DAPK1: variants seen among roughly 807,000 people sequenced by gnomAD.
DAPK1 encodes death associated protein kinase 1.
DAPK1 carries 56 observed loss-of-function variants against 144.9 expected under a neutral mutation model. That is an observed-to-expected ratio of 0.39 (90% confidence interval 0.31 to 0.48). The LOEUF is 0.48. DAPK1 is among the 20% of genes least tolerant of loss of function. The pLI is 0.95. For synonymous variants in DAPK1, 690 were observed against 749.0 expected (o/e 0.92, Z 1.29); for missense variants, 1,454 against 1,875.4 (o/e 0.78, Z 4.15).
At chr9:87,618,940 G>A (rs544254714) in intron 3 of DAPK1, among the ~76,000 whole-genome samples, 76 of 152,250 alleles carry the variant, frequency 5.0e-4, no homozygotes, top group African/African-American at 1.8e-3. Context: ...TTTAATCTTG[G>A]ATGACTCCCT....
chr9:87,578,126 A>G (rs1441843631), intron 2 of DAPK1, among the ~76,000 whole-genome samples: 2 of 152,202 alleles, frequency 1.3e-5, no homozygotes, highest in East Asian at 3.8e-4. Flanking sequence ...AACAACATAG[A>G]AAACTTTGAA....
At position 87,681,531 on chromosome 9, in the gene DAPK1, G is replaced by A; in HGVS notation, c.2129G>A (p.Gly710Glu). The change falls in exon 20 of 26, where the codon GGG becomes GAG. Residue 710 changes from glycine to glutamate, a missense_variant. By Grantham distance (98) the Gly-to-Glu change is moderately conservative. Coordinates refer to ENST00000408954, the MANE Select transcript of DAPK1 (RefSeq NM_004938.4). ...KTTLVESLKC[G>E]LLRSFFRRRR... is the part of the protein sequence containing the mutation. ...ACCCTTGTAGAATCTCTCAAGTGTGGGCTGCTGAGGAGCTTTTTCAGAAGG... is the reference window on the plus strand; with the variant it reads ...ACCCTTGTAGAATCTCTCAAGTGTGAGCTGCTGAGGAGCTTTTTCAGAAGG... 1 of 1,612,398 alleles carries A rather than the reference G, an allele frequency of 6.2e-7. No individual in the cohort carries two copies. The highest frequency in any genetic ancestry group is 8.5e-7 in the Non-Finnish European group (1 of 1,178,452).
chr9:87,604,133 C>T (rs910181248), intron 2 of DAPK1, among the ~76,000 whole-genome samples: 2 of 152,110 alleles, frequency 1.3e-5, no homozygotes, highest in Admixed American at 1.3e-4. Context: ...CTAAGAGTGG[C>T]TCTCCTCATG....
upstream of DAPK1, chr9:87,497,370 C>T (rs1824203830): frequency 6.6e-6 from 1 of 152,240 alleles, no homozygotes; most frequent in South Asian, 2.1e-4. Context: ...ACTGATCCTC[C>T]AAAATTACCT....
chr9:87,550,359 A>G (rs867219713), intron 2 of DAPK1, among the ~76,000 whole-genome samples: 6 of 152,250 alleles, frequency 3.9e-5, no homozygotes, highest in Admixed American at 6.5e-5. Context: ...AATACCACAG[A>G]CTGTGTAGTT....
intron 2 of DAPK1, among the ~76,000 whole-genome samples, chr9:87,598,841 C>G (rs1342699021): frequency 6.6e-6 from 1 of 152,176 alleles, no homozygotes; most frequent in Non-Finnish European, 1.5e-5. Flanking sequence ...GTGCCTTGAC[C>G]TTGAGAATCA....
chr9:87,499,182 T>C lies in DAPK1; in HGVS notation c.62+43T>C, dbSNP rs747732889. ...AGCGTACCCTCCTGGATTGTGGAAATGCATAACGATGGGGCCATTGGGTGG... is the reference window on the plus strand; with the variant it reads ...AGCGTACCCTCCTGGATTGTGGAAACGCATAACGATGGGGCCATTGGGTGG... On this transcript the variant is annotated intron_variant, in intron 2 of 25. Coordinates refer to ENST00000408954, the MANE Select transcript of DAPK1 (RefSeq NM_004938.4). The C allele has an allele frequency of 5.9e-6, 9 of 1,517,774 alleles. No homozygotes were observed. In the South Asian group the frequency reaches 9.0e-5, roughly 15 times the overall value. The allele number at this position is 1,517,774 out of a possible 1,614,324, so 94.0% of individuals were successfully genotyped here. A position where few individuals can be genotyped will look rare whatever the true frequency, so the allele number is the denominator to read the frequency against.
At chr9:87,527,338 C>T (rs1825551182) in intron 2 of DAPK1, among the ~76,000 whole-genome samples, 2 of 152,242 alleles carry the variant, frequency 1.3e-5, no homozygotes, top group Non-Finnish European at 2.9e-5. Flanking sequence ...CTCTCTGACA[C>T]TGAATCCTTC....
chr9:87,497,604 C>G (rs1219722716), upstream of DAPK1: 1 of 158,070 alleles, frequency 6.3e-6, no homozygotes, highest in African/African-American at 2.4e-5. Flanking sequence ...GTGGGGCGCC[C>G]GCGTTCCGGG....
intron 2 of DAPK1, among the ~76,000 whole-genome samples, chr9:87,550,240 G>A (rs1046815728): frequency 7.9e-5 from 12 of 152,148 alleles, no homozygotes; most frequent in East Asian, 1.9e-4. Flanking sequence ...CCATAGGTTC[G>A]TTTAACCTGT....
intron 2 of DAPK1, among the ~76,000 whole-genome samples, chr9:87,585,897 A>G (rs1317773706): frequency 6.6e-6 from 1 of 152,220 alleles, no homozygotes; most frequent in Admixed American, 6.5e-5. Context: ...TATTGACTAC[A>G]TGCTTAAATC....
At chr9:87,499,407 G>C (rs919032106) in intron 2 of DAPK1, 1 of 463,010 alleles carries the variant, frequency 2.2e-6, no homozygotes, top group African/African-American at 1.9e-5. Context: ...TTAATTGTCC[G>C]TGCTAACTCT....
At chr9:87,674,402 C>G (rs1824284487) in intron 19 of DAPK1, among the ~76,000 whole-genome samples, 1 of 150,738 alleles carries the variant, frequency 6.6e-6, no homozygotes, top group African/African-American at 2.4e-5. Context: ...GTAGTCCCAG[C>G]TACTCGGGAG....
At chr9:87,539,810 G>A (rs1825979526) in intron 2 of DAPK1, among the ~76,000 whole-genome samples, 1 of 152,120 alleles carries the variant, frequency 6.6e-6, no homozygotes, top group Admixed American at 6.6e-5. Context: ...TATTCACGAT[G>A]TCTGTCTACA....
intron 18 of DAPK1, among the ~76,000 whole-genome samples, chr9:87,668,250 G>C (rs1220857815): frequency 6.6e-6 from 1 of 152,194 alleles, no homozygotes; most frequent in Admixed American, 6.5e-5. Flanking sequence ...AATCTTTACT[G>C]TCTGCCTGAT....
At position 87,643,366 on chromosome 9, in the gene DAPK1, T is replaced by A. The variant is rs200670633; in HGVS notation, c.919-10T>A. 7,268 of 1,347,374 alleles carry A rather than the reference T, an allele frequency of 5.4e-3. 51 individuals are homozygous for A. The highest frequency in any genetic ancestry group is 0.053 in the African/African-American group (2,908 of 54,548). The allele number at this position is 1,347,374 out of a possible 1,614,324, so 83.5% of individuals were successfully genotyped here. A position where few individuals can be genotyped will look rare whatever the true frequency, so the allele number is the denominator to read the frequency against. ...CCCTCCCTTTTTTTTTTTTTTTTTT[T>A]AAAAAAAAGCAATCCGTTCGCTTGA... On this transcript the variant is annotated splice_polypyrimidine_tract_variant and intron_variant, in intron 10 of 25. Transcript: ENST00000408954.
chr9:87,534,775 G>C (rs529752530), intron 2 of DAPK1, among the ~76,000 whole-genome samples: 10 of 151,878 alleles, frequency 6.6e-5, no homozygotes, highest in Admixed American at 6.6e-4. Flanking sequence ...CTCCCAAGTA[G>C]CTGTGATTAT....
At chr9:87,563,438 A>C (rs1198433851) in intron 2 of DAPK1, among the ~76,000 whole-genome samples, 1 of 152,200 alleles carries the variant, frequency 6.6e-6, no homozygotes. Context: ...TGTAGTGTTC[A>C]TGGTCTCAGA....
chr9:87,696,409 C>T (rs1245101806), intron 21 of DAPK1, among the ~76,000 whole-genome samples: 1 of 152,100 alleles, frequency 6.6e-6, no homozygotes, highest in East Asian at 1.9e-4. Flanking sequence ...ATCTGCACGT[C>T]AGTAGATGTG....
Sources: allele counts gnomAD v4.1 joint callset (sites outside exome capture counted in the v4.1 genomes callset), GRCh38; gene constraint gnomAD v4.1.1; transcripts MANE v1.5; gene names NCBI Gene and HGNC (gene_info 2026-07-23, HGNC 2026-07-21).